RALYL: variants seen among roughly 807,000 people sequenced by gnomAD.
RALYL encodes the protein RALY RNA binding protein like.
RALYL carries 29 observed loss-of-function variants against 35.1 expected under a neutral mutation model. The observed-to-expected ratio is 0.83, with a 90% CI of 0.61 to 1.13. RALYL has a LOEUF of 1.13. Ranked by LOEUF, RALYL falls within the 50% of genes most tolerant of loss-of-function variation. The pLI is 0.00. For missense variants in RALYL, 359 were observed against 360.4 expected, an observed-to-expected ratio of 1.00 and a Z score of 0.03; for synonymous variants, 120 against 127.6, an observed-to-expected ratio of 0.94 and a Z score of 0.40.
chr8:84,331,533 G>A (rs533884085), intron 1 of RALYL, among the ~76,000 whole-genome samples: 1 of 152,156 alleles, frequency 6.6e-6, no homozygotes, highest in African/African-American at 2.4e-5. Context: ...GAAATCCCAT[G>A]AAAGTTAGTA....
intron 1 of RALYL, among the ~76,000 whole-genome samples, chr8:84,372,886 GTTTT>G (rs76885544): frequency 0.034 from 1,327 of 38,928 alleles, 4 homozygotes; most frequent in Non-Finnish European, 0.039. Context: ...GCCAGCATCT[GTTTT>G]TTTTTTTTTT....
At chr8:84,890,235 A>G (rs1308812736) in intron 8 of RALYL, among the ~76,000 whole-genome samples, 1 of 152,176 alleles carries the variant, frequency 6.6e-6, no homozygotes, top group African/African-American at 2.4e-5. Flanking sequence ...GACCACAAGT[A>G]TACATACCTG....
intron 1 of RALYL, among the ~76,000 whole-genome samples, chr8:84,453,399 A>G (rs2049742749): frequency 6.6e-6 from 1 of 151,994 alleles, no homozygotes; most frequent in Admixed American, 6.6e-5. Context: ...ATGATAGGAG[A>G]GAAAGCAGTA....
At chr8:84,317,914 T>C (rs1373656367) in intron 1 of RALYL, among the ~76,000 whole-genome samples, 1 of 152,184 alleles carries the variant, frequency 6.6e-6, no homozygotes, top group Non-Finnish European at 1.5e-5. Flanking sequence ...CTTCTTATTA[T>C]CTTAATTATT....
At chr8:84,496,115 A>G (rs1245011288) in intron 1 of RALYL, among the ~76,000 whole-genome samples, 1 of 152,110 alleles carries the variant, frequency 6.6e-6, no homozygotes, top group African/African-American at 2.4e-5. Context: ...ATCTTTGTTC[A>G]TGGTATCCTA....
chr8:84,187,802 T>C (rs1447449644), intron 1 of RALYL, among the ~76,000 whole-genome samples: 2 of 152,114 alleles, frequency 1.3e-5, no homozygotes, highest in Non-Finnish European at 2.9e-5. Context: ...AGTAAGTATA[T>C]AGAAATTCCA....
At chr8:84,454,566 A>G (rs2049919299) in intron 1 of RALYL, among the ~76,000 whole-genome samples, 2 of 152,090 alleles carry the variant, frequency 1.3e-5, no homozygotes, top group Admixed American at 6.6e-5. Context: ...AATGGATACT[A>G]CAGTTAAAAC....
chr8:84,575,376 T>A (rs1809105660), intron 2 of RALYL, among the ~76,000 whole-genome samples: 2 of 152,280 alleles, frequency 1.3e-5, no homozygotes, highest in East Asian at 3.9e-4. Flanking sequence ...CTTACTTTCT[T>A]CTATAGAATT....
chr8:84,219,815 A>G (rs541929635), intron 1 of RALYL, among the ~76,000 whole-genome samples: 61 of 152,198 alleles, frequency 4.0e-4, no homozygotes, highest in African/African-American at 1.3e-3. Context: ...TTGGAAGCAG[A>G]AAATTACTGC....
At chr8:84,500,361 C>T (rs1200778701) in intron 1 of RALYL, among the ~76,000 whole-genome samples, 1 of 152,124 alleles carries the variant, frequency 6.6e-6, no homozygotes, top group Non-Finnish European at 1.5e-5. Flanking sequence ...AACATTTACA[C>T]ACACTTATCA....
intron 1 of RALYL, among the ~76,000 whole-genome samples, chr8:84,381,910 T>C (rs1858069221): frequency 6.6e-6 from 1 of 151,746 alleles, no homozygotes; most frequent in African/African-American, 2.4e-5. Flanking sequence ...AATGAATCTG[T>C]CCATAGGGAA....
intron 1 of RALYL, among the ~76,000 whole-genome samples, chr8:84,510,738 A>C (rs958575737): frequency 6.6e-6 from 1 of 151,910 alleles, no homozygotes; most frequent in African/African-American, 2.4e-5. Context: ...TGAACCTGGG[A>C]GGTGGAGGTT....
intron 1 of RALYL, among the ~76,000 whole-genome samples, chr8:84,425,389 T>G (rs548779162): frequency 2.0e-3 from 308 of 152,300 alleles, no homozygotes; most frequent in African/African-American, 7.1e-3. Context: ...GGTGAGGCAA[T>G]GCCTCGCCCT....
At chr8:84,787,760 C>A (rs1252553287) in intron 3 of RALYL, among the ~76,000 whole-genome samples, 1 of 152,212 alleles carries the variant, frequency 6.6e-6, no homozygotes, top group Admixed American at 6.5e-5. Context: ...ATTTGCATTT[C>A]TCTAATGACC....
chr8:84,542,721 A>T (rs778350221), intron 2 of RALYL, among the ~76,000 whole-genome samples: 12 of 152,152 alleles, frequency 7.9e-5, no homozygotes, highest in Non-Finnish European at 1.8e-4. Flanking sequence ...TTAATTACCC[A>T]GTCTTGGATA....
chr8:84,832,424 A>T (rs977770223), intron 4 of RALYL, among the ~76,000 whole-genome samples: 1 of 152,104 alleles, frequency 6.6e-6, no homozygotes, highest in Non-Finnish European at 1.5e-5. Context: ...TTCTTTAAGA[A>T]TGAAGGCATC....
chr8:84,742,058 T>C (rs1807489256), intron 2 of RALYL, among the ~76,000 whole-genome samples: 1 of 151,942 alleles, frequency 6.6e-6, no homozygotes, highest in African/African-American at 2.4e-5. Context: ...TTTGTGGTCA[T>C]ACAAATGATA....
intron 2 of RALYL, among the ~76,000 whole-genome samples, chr8:84,682,519 C>T (rs1194417303): frequency 6.6e-6 from 1 of 152,124 alleles, no homozygotes; most frequent in Non-Finnish European, 1.5e-5. Context: ...AATTTCAGAG[C>T]CTGTTATTGG....
At chr8:84,378,621 A>G (rs1857372843) in intron 1 of RALYL, among the ~76,000 whole-genome samples, 2 of 151,842 alleles carry the variant, frequency 1.3e-5, no homozygotes, top group African/African-American at 4.8e-5. Context: ...GAAACAGACT[A>G]CTCATAAACT....
Sources: allele counts gnomAD v4.1 joint callset (sites outside exome capture counted in the v4.1 genomes callset), GRCh38; gene constraint gnomAD v4.1.1; transcripts MANE v1.5; gene names NCBI Gene and HGNC (gene_info 2026-07-23, HGNC 2026-07-21).